The following PIR variants were observed in gnomAD, a reference collection of about 807,000 sequenced individuals.
The protein encoded by PIR is pirin.
A neutral mutation model predicts 24.2 loss-of-function variants in PIR; 22 were observed. The observed-to-expected ratio is 0.91, with a 90% CI of 0.65 to 1.30. PIR has a LOEUF of 1.30. Among genes scored for constraint, PIR ranks in the 50% most tolerant of loss-of-function variants. The pLI, the probability that PIR is intolerant of heterozygous loss-of-function variation, is 0.00. For missense variants in PIR, 220 were observed against 220.3 expected (o/e 1.00, Z 0.01); for synonymous variants, 80 against 79.6 (o/e 1.00, Z -0.03).
At chrX:15,445,227 A>C (rs1287471428) in intron 5 of PIR, among the ~76,000 whole-genome samples, 1 of 111,785 alleles carries the variant, frequency 8.9e-6, no homozygotes, top group African/African-American at 3.3e-5. Context: ...TCCTTTAAAA[A>C]AGAGGCATTT....
At chrX:15,418,132 T>A (rs1241760142) in intron 6 of PIR, among the ~76,000 whole-genome samples, 1 of 111,489 alleles carries the variant, frequency 9.0e-6, no homozygotes, top group African/African-American at 3.3e-5. Flanking sequence ...TAAAATCAAG[T>A]TTTTTCCATA....
At chrX:15,398,814 G>T (rs1924281553) in intron 7 of PIR, among the ~76,000 whole-genome samples, 1 of 110,247 alleles carries the variant, frequency 9.1e-6, no homozygotes, top group Non-Finnish European at 1.9e-5. Flanking sequence ...GGAGTTTGCT[G>T]TAACAGTCTA....
chrX:15,449,697 T>G (rs1926220618), intron 5 of PIR, among the ~76,000 whole-genome samples: 1 of 112,464 alleles, frequency 8.9e-6, no homozygotes, highest in Non-Finnish European at 1.9e-5. Context: ...CTCTTTTATA[T>G]TTGTATCCAT....
Position 15,423,028 on chromosome X carries a change from T to C in PIR, c.565+2878A>G, listed in dbSNP as rs143871586. Among the ~76,000 whole-genome samples, 64 of 111,925 alleles carry C rather than the reference T, an allele frequency of 5.7e-4. No individual in the cohort carries two copies. The East Asian group carries it at 0.013, about 23-fold the overall frequency. ...GGTGCTAAGAACATACACTGAGGAA[T>C]AGACAGTCTTTTCAATAAATGGTGC... On this transcript the variant is annotated intron_variant, in intron 6 of 9. Coordinates refer to ENST00000380420, the MANE Select transcript of PIR (RefSeq NM_001018109.3).
At chrX:15,491,386 G>C in intron 1 of PIR, 77 bp from the exon 2 acceptor site, 1 of 438,582 alleles carries the variant, frequency 2.3e-6, no homozygotes, top group East Asian at 3.8e-5. Context: ...ATGATATTAA[G>C]ATTAGATGCG....
chrX:15,398,107 G>GC (rs1398488734), intron 7 of PIR, among the ~76,000 whole-genome samples: 2 of 108,948 alleles, frequency 1.8e-5, no homozygotes, highest in Non-Finnish European at 3.8e-5. Context: ...TTGGGTGGGG[G>GC]TAGGGGGGAG....
intron 5 of PIR, among the ~76,000 whole-genome samples, chrX:15,428,007 C>A (rs1925377269): frequency 9.0e-6 from 1 of 111,621 alleles, no homozygotes; most frequent in Non-Finnish European, 1.9e-5. Flanking sequence ...TCTTGACTAT[C>A]AAAAGATTTT....
chrX:15,452,777 C>G (rs1260340506), intron 5 of PIR, among the ~76,000 whole-genome samples: 2 of 112,088 alleles, frequency 1.8e-5, no homozygotes, highest in Admixed American at 1.9e-4. Flanking sequence ...CTCTTAGACC[C>G]CATCTCAGAT....
chrX:15,480,654 T>G (rs931300142), intron 2 of PIR, among the ~76,000 whole-genome samples: 2 of 111,623 alleles, frequency 1.8e-5, no homozygotes, highest in South Asian at 7.5e-4. Flanking sequence ...AAGTACATGG[T>G]TGAGTTAATC....
intron 2 of PIR, among the ~76,000 whole-genome samples, chrX:15,485,778 C>T (rs1030425168): frequency 8.9e-6 from 1 of 112,185 alleles, no homozygotes; most frequent in African/African-American, 3.2e-5. Context: ...TATTAGTCCT[C>T]GTCAAACTTC....
intron 5 of PIR, among the ~76,000 whole-genome samples, chrX:15,438,667 C>T (rs1466589283): frequency 9.0e-6 from 1 of 111,601 alleles, no homozygotes; most frequent in African/African-American, 3.3e-5. Flanking sequence ...CCTGTAGGTG[C>T]CATCATTGTT....
chrX:15,464,132 A>G, intron 3 of PIR: 1 of 112,418 alleles, frequency 8.9e-6, no homozygotes, highest in Non-Finnish European at 1.9e-5. Context: ...TTAATTGGAA[A>G]AGCAGGTTAC....
At chrX:15,414,379 G>T (rs190138602) in intron 6 of PIR, among the ~76,000 whole-genome samples, 1 of 111,948 alleles carries the variant, frequency 8.9e-6, no homozygotes, top group Non-Finnish European at 1.9e-5. Flanking sequence ...AACAGAACTT[G>T]TCTCCTCTTC....
chrX:15,486,185 C>G (rs1403417420), intron 2 of PIR, among the ~76,000 whole-genome samples: 2 of 105,645 alleles, frequency 1.9e-5, no homozygotes, highest in Non-Finnish European at 3.9e-5. Flanking sequence ...GAAACCCTGT[C>G]TCTACTAAAA....
At chrX:15,387,392 C>T (rs145939534) in intron 9 of PIR, among the ~76,000 whole-genome samples, 1,548 of 109,928 alleles carry the variant, frequency 0.014, 24 homozygotes, top group African/African-American at 0.049. Flanking sequence ...CCACCGCGCC[C>T]GGCCCAGTTC....
intron 3 of PIR, among the ~76,000 whole-genome samples, chrX:15,465,037 A>C (rs1921489146): frequency 8.9e-6 from 1 of 112,001 alleles, no homozygotes; most frequent in Non-Finnish European, 1.9e-5. Flanking sequence ...TTTTTTTCCA[A>C]ATTTGATTTT....
chrX:15,405,828 C>A lies in PIR; in HGVS notation c.610+1678G>T, dbSNP rs377298521. On this transcript the variant is annotated intron_variant, in intron 7 of 9. Coordinates refer to ENST00000380420, the MANE Select transcript of PIR (RefSeq NM_001018109.3). ...TAAACTAAATGAATTTTGCTCCTGA[C>A]CCCTAATTGAAATGCTATTCACTGA... Among the ~76,000 whole-genome samples the A allele has an allele frequency of 2.4e-4, 27 of 112,404 alleles. No homozygotes were observed. The South Asian group carries it at 9.8e-3, about 41-fold the overall frequency.
chrX:15,459,838 T>C, intron 3 of PIR, 98 bp from the exon 4 acceptor site: 1 of 468,734 alleles, frequency 2.1e-6, no homozygotes, highest in Admixed American at 2.7e-5. Flanking sequence ...GTTCCTTGTA[T>C]ATTTTGGAAC....
intron 5 of PIR, among the ~76,000 whole-genome samples, chrX:15,435,143 G>A (rs1047646417): frequency 2.7e-5 from 3 of 110,335 alleles, no homozygotes; most frequent in African/African-American, 9.9e-5. Context: ...CCTGGGAGGT[G>A]GAGATTGCAG....
Sources: gnomAD v4.1 joint callset for allele counts (sites outside exome capture counted in the v4.1 genomes callset) on GRCh38, gnomAD v4.1.1 for gene constraint, MANE v1.5 for transcripts, NCBI Gene and HGNC (gene_info 2026-07-23, HGNC 2026-07-21) for gene names.